TRIO: variants seen among roughly 807,000 people sequenced by gnomAD.
TRIO encodes trio Rho guanine nucleotide exchange factor.
Under a neutral mutation model 351.9 loss-of-function variants are expected in TRIO, and 58 were observed. That is an observed-to-expected ratio of 0.16 (90% confidence interval 0.13 to 0.21). The LOEUF is 0.21. Among genes scored for constraint, TRIO ranks in the 10% least tolerant of loss-of-function variants. The pLI, the probability that TRIO is intolerant of heterozygous loss-of-function variation, is 1.00. For missense variants in TRIO, 3,201 were observed against 4,027.8 expected, an observed-to-expected ratio of 0.79 and a Z score of 5.56; for synonymous variants, 1,758 against 1,595.7, an observed-to-expected ratio of 1.10 and a Z score of -2.42.
chr5:14,351,769 C>A (rs116702924), intron 11 of TRIO, among the ~76,000 whole-genome samples: 2 of 152,176 alleles, frequency 1.3e-5, no homozygotes. Context: ...AGACGGACAC[C>A]GATTTTAGCC....
intron 8 of TRIO, among the ~76,000 whole-genome samples, 155 bp from the exon 9 acceptor site, chr5:14,316,356 CTG>C (rs1739379141): frequency 1.3e-5 from 2 of 152,184 alleles, no homozygotes; most frequent in African/African-American, 2.4e-5. Context: ...CTGAGTAAAA[CTG>C]TGGTGTGTGA....
chr5:14,206,261 G>C (rs1791451218), intron 1 of TRIO, among the ~76,000 whole-genome samples: 1 of 152,076 alleles, frequency 6.6e-6, no homozygotes, highest in Admixed American at 6.5e-5. Context: ...GGGTCTCACT[G>C]TGTTGCCCTG....
At chr5:14,356,958 C>T (rs572969431) in intron 11 of TRIO, among the ~76,000 whole-genome samples, 7 of 152,242 alleles carry the variant, frequency 4.6e-5, no homozygotes, top group Non-Finnish European at 1.0e-4. Flanking sequence ...CAGGTGAGTG[C>T]CAGGGAGGGA....
At chr5:14,333,650 A>G (rs1489402634) in intron 10 of TRIO, among the ~76,000 whole-genome samples, 1 of 152,080 alleles carries the variant, frequency 6.6e-6, no homozygotes, top group Admixed American at 6.6e-5. Flanking sequence ...TTTCCATTGA[A>G]TTCTAAGTAC....
At chr5:14,413,593 AT>A (rs372365184) in intron 33 of TRIO, among the ~76,000 whole-genome samples, 15 of 152,032 alleles carry the variant, frequency 9.9e-5, no homozygotes, top group African/African-American at 2.2e-4. Flanking sequence ...CTTTTTGTAT[AT>A]TTTTTTAGAT....
At chr5:14,385,669 C>T (rs1746479237) in intron 21 of TRIO, among the ~76,000 whole-genome samples, 1 of 152,116 alleles carries the variant, frequency 6.6e-6, no homozygotes, top group Non-Finnish European at 1.5e-5. Flanking sequence ...AGAGTTTTTA[C>T]TTTGTATCTT....
chr5:14,312,502 A>G (rs1739016934), intron 8 of TRIO, among the ~76,000 whole-genome samples: 1 of 152,218 alleles, frequency 6.6e-6, no homozygotes, highest in East Asian at 1.9e-4. Flanking sequence ...CCAGCTGTGT[A>G]TTCCAAGAAA....
chr5:14,336,421 A>ATG lies in TRIO; in HGVS notation c.1855-113_1855-112dup, dbSNP rs1741424940. Reference sequence around the variant, plus strand: ...CCCATCATATTTTTCTGTTTGATTCATGTAAGTGATCAAAAATATCACAAA... The same window carrying ATG: ...CCCATCATATTTTTCTGTTTGATTCATGTGTAAGTGATCAAAAATATCACAAA... On this transcript the variant is annotated intron_variant, in intron 10 of 56. Coordinates refer to ENST00000344204, the MANE Select transcript of TRIO (RefSeq NM_007118.4). 3 of 1,066,990 alleles carry ATG rather than the reference A, an allele frequency of 2.8e-6. No individual in the cohort carries two copies. In the African/African-American group the frequency reaches 4.7e-5, roughly 17 times the overall value. 66.1% of individuals were successfully genotyped at this position (1,066,990 alleles called of 1,614,324 possible). A position where few individuals can be genotyped will look rare whatever the true frequency, so the allele number is the denominator to read the frequency against.
rs34892418 is a variant in TRIO, at chr5:14,451,330, C to CA, written c.5204-9678dup. ...AGTGCACTGTGGTCTTTTCTTTATTCAAAAAAAAAAAGGCCACCTTGATTC... is the reference window on the plus strand; with the variant it reads ...AGTGCACTGTGGTCTTTTCTTTATTCAAAAAAAAAAAAGGCCACCTTGATTC... On this transcript the variant is annotated intron_variant, in intron 34 of 56. Coordinates refer to ENST00000344204, the MANE Select transcript of TRIO (RefSeq NM_007118.4). 5.1e-3 allele frequency among the ~76,000 whole-genome samples: 716 copies of CA among 141,440 alleles called. 3 individuals carry two copies. The highest frequency in any genetic ancestry group is 0.012 in the South Asian group (54 of 4,458). 92.8% of individuals were successfully genotyped at this position (141,440 alleles called of 152,430 possible). A position where few individuals can be genotyped will look rare whatever the true frequency, so the allele number is the denominator to read the frequency against.
At chr5:14,454,934 T>C (rs942035674) in intron 34 of TRIO, among the ~76,000 whole-genome samples, 1 of 152,190 alleles carries the variant, frequency 6.6e-6, no homozygotes, top group Non-Finnish European at 1.5e-5. Context: ...GGAGTGAAGC[T>C]GCAGACCTTC....
At chr5:14,260,090 C>G (rs1455584697) in intron 1 of TRIO, among the ~76,000 whole-genome samples, 1 of 152,198 alleles carries the variant, frequency 6.6e-6, no homozygotes, top group Non-Finnish European at 1.5e-5. Flanking sequence ...GAACATGTTA[C>G]TTACGTTATT....
chr5:14,424,502 AC>A (rs1750474288), intron 34 of TRIO, among the ~76,000 whole-genome samples: 1 of 152,200 alleles, frequency 6.6e-6, no homozygotes, highest in African/African-American at 2.4e-5. Flanking sequence ...GGGAAAAAAA[AC>A]ATGAGAAATA....
In TRIO at chr5:14,296,920, T is replaced by C. The variant is rs577122260; in HGVS notation, c.1177-152T>C. The C allele has an allele frequency of 2.3e-5, 11 of 485,696 alleles. No individual in the cohort carries two copies. In the East Asian group the frequency reaches 3.3e-4, roughly 15 times the overall value. 30.1% of individuals were successfully genotyped at this position (485,696 alleles called of 1,614,324 possible). On this transcript the variant is annotated intron_variant, in intron 6 of 56. Coordinates refer to ENST00000344204, the MANE Select transcript of TRIO (RefSeq NM_007118.4). ...TTTATGGAAATCTAGAGAGCAAATA[T>C]GTATAATATTATATATATCAGGTGA...
rs1360649140 is a variant in TRIO at position 14,472,716 on chromosome 5, G to T, written c.5979+58G>T. 7 of 1,583,922 alleles carry T rather than the reference G, an allele frequency of 4.4e-6. No individual in the cohort carries two copies. In the East Asian group the frequency reaches 9.0e-5, roughly 20 times the overall value. On this transcript the variant is annotated intron_variant, in intron 39 of 56. Coordinates refer to ENST00000344204, the MANE Select transcript of TRIO (RefSeq NM_007118.4). ...TCAGTTCCAAGAGTTGTCAAAAGTA[G>T]TATCGTTTTAGACAGTTGAACACCT...
intron 1 of TRIO, among the ~76,000 whole-genome samples, chr5:14,159,117 C>T (rs1023699622): frequency 4.6e-5 from 7 of 152,124 alleles, no homozygotes; most frequent in Admixed American, 3.9e-4. Context: ...CCTACTCTGA[C>T]GTGCGTCTCT....
At position 14,484,943 on chromosome 5, in the gene TRIO, C is replaced by T. The variant is rs1755807290; in HGVS notation, c.6658-126C>T. ...CGTATTGTGTGTCGGAATTTCTTTC[C>T]TCATTAAGGCTGAAAAACTGTCCAC... is the stretch of plus-strand genomic sequence containing the variant. On this transcript the variant is annotated intron_variant, in intron 46 of 56. Transcript: ENST00000344204. The T allele has an allele frequency of 6.1e-6, 6 of 979,826 alleles. No homozygotes were observed. The South Asian group carries it at 1.5e-4, about 25-fold the overall frequency. The allele number at this position is 979,826 out of a possible 1,614,324, so 60.7% of individuals were successfully genotyped here. A position where few individuals can be genotyped will look rare whatever the true frequency, so the allele number is the denominator to read the frequency against.
chr5:14,242,099 A>G (rs1794162392), intron 1 of TRIO, among the ~76,000 whole-genome samples: 1 of 152,202 alleles, frequency 6.6e-6, no homozygotes, highest in South Asian at 2.1e-4. Flanking sequence ...GTGGAGACAG[A>G]GATATGGAAA....
intron 1 of TRIO, among the ~76,000 whole-genome samples, chr5:14,174,962 A>G (rs983023953): frequency 6.6e-6 from 1 of 152,232 alleles, no homozygotes; most frequent in Non-Finnish European, 1.5e-5. Context: ...CATCACTTCA[A>G]AACTGTAGAA....
intron 11 of TRIO, 21 bp from the exon 12 acceptor site, chr5:14,358,157 C>A: frequency 6.3e-7 from 1 of 1,596,964 alleles, no homozygotes; most frequent in Non-Finnish European, 8.5e-7. Context: ...GCCGGCCTCA[C>A]CCCCCTCTCC....
Sources: gnomAD v4.1 joint callset for allele counts (sites outside exome capture counted in the v4.1 genomes callset) on GRCh38, gnomAD v4.1.1 for gene constraint, MANE v1.5 for transcripts, NCBI Gene and HGNC (gene_info 2026-07-23, HGNC 2026-07-21) for gene names.